SPRY3: variants seen among roughly 807,000 people sequenced by gnomAD.
SPRY3 encodes protein sprouty homolog 3.
A neutral mutation model predicts 20.2 loss-of-function variants in SPRY3; 15 were observed. That is an observed-to-expected ratio of 0.74 (90% CI 0.50 to 1.14). The LOEUF is 1.14. Among genes scored for constraint, SPRY3 ranks in the 50% most tolerant of loss-of-function variants. SPRY3 has a pLI of 0.00. For missense variants in SPRY3, 364 were observed against 363.9 expected, an observed-to-expected ratio of 1.00 and a Z score of 0.00; for synonymous variants, 143 against 136.5, an observed-to-expected ratio of 1.05 and a Z score of -0.33.
downstream of SPRY3, chrX:155,781,708 G>A (rs1049219776): frequency 6.0e-6 from 1 of 167,144 alleles, no homozygotes; most frequent in African/African-American, 2.4e-5. Context: ...TTTTCTTAAT[G>A]TACAAGGTTC....
chrX:155,732,084 G>T (rs754160466), intron 2 of SPRY3, among the ~76,000 whole-genome samples: 3 of 152,102 alleles, frequency 2.0e-5, no homozygotes, highest in Non-Finnish European at 4.4e-5. Context: ...CGTTAACATT[G>T]TTCTTGTACA....
chrX:155,732,614 AT>A (rs1182043954), intron 2 of SPRY3, among the ~76,000 whole-genome samples: 4 of 152,070 alleles, frequency 2.6e-5, no homozygotes, highest in African/African-American at 9.7e-5. Flanking sequence ...AACTAAAAAT[AT>A]AGTTACCATA....
At chrX:155,637,683 G>T (rs2067928073) in intron 1 of SPRY3, among the ~76,000 whole-genome samples, 1 of 111,373 alleles carries the variant, frequency 9.0e-6, no homozygotes, top group South Asian at 3.8e-4. Context: ...CAAATTTCTG[G>T]GATTTAATAA....
Position 155,668,979 on chromosome X carries a change from G to A in SPRY3, c.-282+11954G>A, listed in dbSNP as rs782570148. On this transcript the variant is annotated intron_variant, in intron 2 of 3. Transcript: ENST00000675360. Reference sequence around the variant, plus strand: ...TCCACTGAAATGTGAATGCAAATATGTAGATTATCATTCTAAATGAATTAG... The same window carrying A: ...TCCACTGAAATGTGAATGCAAATATATAGATTATCATTCTAAATGAATTAG... Among the ~76,000 whole-genome samples, 2 of 111,075 alleles carry A rather than the reference G, an allele frequency of 1.8e-5. 1 individual carries two copies. The highest frequency in any genetic ancestry group is 7.5e-4 in the South Asian group (2 of 2,668).
intron 2 of SPRY3, among the ~76,000 whole-genome samples, chrX:155,705,933 C>T (rs980529194): frequency 2.6e-5 from 4 of 151,180 alleles, no homozygotes; most frequent in Admixed American, 1.3e-4. Flanking sequence ...CTGAACACTT[C>T]GACAATTCTG....
chrX:155,686,626 T>C lies in SPRY3; in HGVS notation c.-282+29601T>C, dbSNP rs1046769307. Among the ~76,000 whole-genome samples, 22 of 111,663 alleles carry C rather than the reference T, an allele frequency of 2.0e-4. 1 individual carries two copies. In the Admixed American group the frequency reaches 2.1e-3, roughly 11 times the overall value. ...TCTCCAAGTTCCTCTCTCTGTTATC[T>C]CCCAGTATTTTTCTGTTCCTAAGTA... On this transcript the variant is annotated intron_variant, in intron 2 of 3. Coordinates refer to ENST00000675360, the Ensembl canonical transcript of SPRY3.
At chrX:155,708,635 ATATTTATG>A (rs2090967144) in intron 2 of SPRY3, among the ~76,000 whole-genome samples, 1 of 151,414 alleles carries the variant, frequency 6.6e-6, no homozygotes, top group Non-Finnish European at 1.5e-5. Context: ...GCAGGTATAT[ATATTTATG>A]TGGTACATGA....
chrX:155,732,978 TAGAG>T (rs1372991594), intron 2 of SPRY3, among the ~76,000 whole-genome samples: 1 of 151,792 alleles, frequency 6.6e-6, no homozygotes, highest in Non-Finnish European at 1.5e-5. Context: ...TCAACGGAGA[TAGAG>T]AGCAGAATGA....
chrX:155,726,883 T>G (rs1254541562), intron 2 of SPRY3, among the ~76,000 whole-genome samples: 1 of 152,210 alleles, frequency 6.6e-6, no homozygotes, highest in Non-Finnish European at 1.5e-5. Flanking sequence ...CTGGTTATTT[T>G]GCCCATTAGT....
At chrX:155,671,661 C>A (rs2068041169) in intron 2 of SPRY3, among the ~76,000 whole-genome samples, 1 of 110,485 alleles carries the variant, frequency 9.1e-6, no homozygotes, top group Admixed American at 9.6e-5. Flanking sequence ...AAATATAAAA[C>A]CTTAAGACAG....
downstream of SPRY3, chrX:155,776,919 G>A (rs767147493): frequency 3.6e-5 from 6 of 166,976 alleles, no homozygotes; most frequent in Non-Finnish European, 8.8e-5. Context: ...CTCTATTTTT[G>A]TATATATAAA....
intron 2 of SPRY3, among the ~76,000 whole-genome samples, chrX:155,748,445 A>G (rs1329096451): frequency 6.6e-6 from 1 of 151,780 alleles, no homozygotes; most frequent in African/African-American, 2.4e-5. Flanking sequence ...AAAAGAGAGG[A>G]CTTCCAAGAG....
intron 1 of SPRY3, among the ~76,000 whole-genome samples, chrX:155,654,825 CAT>C (rs1297491235): frequency 9.1e-6 from 1 of 109,709 alleles, no homozygotes; most frequent in Non-Finnish European, 1.9e-5. Context: ...CTGCAATAAA[CAT>C]ATAAGTGCAA....
chrX:155,688,693 GT>G (rs753048678), intron 2 of SPRY3, among the ~76,000 whole-genome samples: 331 of 103,148 alleles, frequency 3.2e-3, no homozygotes, highest in African/African-American at 9.8e-3. Flanking sequence ...TTTTTAAATT[GT>G]TTTTTTTTTT....
chrX:155,724,377 G>A (rs1345021703), intron 2 of SPRY3, among the ~76,000 whole-genome samples: 3 of 152,178 alleles, frequency 2.0e-5, no homozygotes, highest in East Asian at 1.9e-4. Context: ...ACCTTGGGCA[G>A]TATGGCTATT....
intron 3 of SPRY3, among the ~76,000 whole-genome samples, chrX:155,772,883 A>C (rs2091389780): frequency 6.6e-6 from 1 of 152,124 alleles, no homozygotes; most frequent in Non-Finnish European, 1.5e-5. Flanking sequence ...TCTGCTTGGT[A>C]AGTCTCATCA....
In SPRY3 at chrX:155,685,810, C is replaced by A. The variant is rs1012123676; in HGVS notation, c.-282+28785C>A. Among the ~76,000 whole-genome samples the A allele has an allele frequency of 4.7e-4, 52 of 110,952 alleles. 1 individual carries two copies. The highest frequency in any genetic ancestry group is 1.6e-3 in the African/African-American group (50 of 30,642). ...TTGAGATGGAGTCTTGCTCCGTCGC[C>A]AGGATGGAGTGCAGTGGCGCGATCT... is the stretch of plus-strand genomic sequence containing the variant. On this transcript the variant is annotated intron_variant, in intron 2 of 3. Transcript: ENST00000675360.
intron 2 of SPRY3, among the ~76,000 whole-genome samples, chrX:155,665,679 G>A (rs993591696): frequency 5.4e-5 from 6 of 111,523 alleles, no homozygotes; most frequent in East Asian, 2.8e-4. Flanking sequence ...TAATGGATAC[G>A]TACACATTTA....
intron 2 of SPRY3, among the ~76,000 whole-genome samples, chrX:155,735,669 T>C (rs1046651748): frequency 6.6e-6 from 1 of 152,014 alleles, no homozygotes; most frequent in African/African-American, 2.4e-5. Flanking sequence ...CATATATTTC[T>C]CTAACCCTTT....
Sources: gnomAD v4.1 joint callset for allele counts (sites outside exome capture counted in the v4.1 genomes callset) on GRCh38, gnomAD v4.1.1 for gene constraint, MANE v1.5 for transcripts, NCBI Gene and HGNC (gene_info 2026-07-23, HGNC 2026-07-21) for gene names.